Variants in REPS2 observed in about 807,000 individuals in gnomAD.
REPS2 encodes RALBP1 associated Eps domain containing 2.
REPS2 carries 23 observed loss-of-function variants against 53.6 expected under a neutral mutation model. That is an observed-to-expected ratio of 0.43 (90% CI 0.31 to 0.61). The LOEUF is 0.61. REPS2 is among the 20% of genes least tolerant of loss of function. REPS2 has a pLI of 0.11. For synonymous variants in REPS2, 238 were observed against 218.6 expected, an observed-to-expected ratio of 1.09 and a Z score of -0.78; for missense variants, 446 against 534.9, an observed-to-expected ratio of 0.83 and a Z score of 1.64.
chrX:16,979,444 G>A (rs763004529), intron 1 of REPS2, among the ~76,000 whole-genome samples: 145 of 111,640 alleles, frequency 1.3e-3, no homozygotes, highest in Non-Finnish European at 2.3e-3. Context: ...TGTAGGCGGA[G>A]GATAAATTTT....
intron 5 of REPS2, among the ~76,000 whole-genome samples, chrX:17,042,821 G>A (rs1318422552): frequency 9.0e-6 from 1 of 110,684 alleles, no homozygotes; most frequent in African/African-American, 3.3e-5. Context: ...TTTGAGACAG[G>A]GTCTTGCTCT....
intron 14 of REPS2, among the ~76,000 whole-genome samples, chrX:17,110,696 C>A (rs760958851): frequency 1.1e-5 from 1 of 94,570 alleles, no homozygotes; most frequent in East Asian, 3.1e-4. Flanking sequence ...CTGTCTCAAA[C>A]AAACAAACAA....
chrX:17,099,683 A>G (rs760829774), intron 13 of REPS2: 5 of 441,868 alleles, frequency 1.1e-5, no homozygotes, highest in Non-Finnish European at 2.0e-5. Context: ...GCATCTTCTC[A>G]AGCTACCTCT....
chrX:17,053,665 G>A (rs2062031315), intron 7 of REPS2, among the ~76,000 whole-genome samples: 1 of 112,061 alleles, frequency 8.9e-6, no homozygotes, highest in African/African-American at 3.2e-5. Flanking sequence ...TTCTGGCTAG[G>A]GAAGAATAAA....
intron 13 of REPS2, among the ~76,000 whole-genome samples, chrX:17,079,035 AT>A (rs780540411): frequency 8.9e-5 from 10 of 112,176 alleles, no homozygotes; most frequent in Non-Finnish European, 1.7e-4. Flanking sequence ...GGCTTTGGAT[AT>A]TTTTGGATTT....
chrX:17,050,197 T>TTCTTTCTTTC (rs1555926865), intron 6 of REPS2, among the ~76,000 whole-genome samples: 1 of 46,173 alleles, frequency 2.2e-5, no homozygotes, highest in African/African-American at 1.3e-4. Context: ...TTTCTTTCTT[T>TTCTTTCTTTC]TTTTTTTTTT....
At chrX:16,970,053 TAATA>T (rs1232926688) in intron 1 of REPS2, among the ~76,000 whole-genome samples, 1 of 112,453 alleles carries the variant, frequency 8.9e-6, no homozygotes, top group East Asian at 2.8e-4. Flanking sequence ...TATTTTAATT[TAATA>T]AATCTTGCAT....
chrX:17,096,964 CA>C (rs1433356031), intron 13 of REPS2, among the ~76,000 whole-genome samples: 5 of 111,306 alleles, frequency 4.5e-5, no homozygotes, highest in African/African-American at 1.6e-4. Flanking sequence ...GAGAATTGAC[CA>C]AAATTAATGG....
Position 17,074,116 on chromosome X carries a change from A to G in REPS2, c.1336A>G (p.Thr446Ala). 2 of 1,208,930 alleles carry G rather than the reference A, an allele frequency of 1.7e-6. No individual in the cohort carries two copies. Among genetic ancestry groups the G allele is most frequent in the Non-Finnish European group, 2.2e-6 (2 of 894,080 alleles). The change falls in exon 12 of 18, where the codon ACT becomes GCT. Residue 446 changes from threonine to alanine, a missense_variant and splice_region_variant. Transcript: ENST00000357277. ...LPKDVSEDPATPKDSNSLKAR... is the reference protein window; with the variant it reads ...LPKDVSEDPAAPKDSNSLKAR... The stretch of plus-strand genomic sequence containing the variant: ...CCCAAGCAATATCTTTGTTTCAGCA[A>G]CTCCCAAGGATTCCAACAGTCTCAA...
the REPS2 span, among the ~76,000 whole-genome samples, chrX:17,184,259 A>T: frequency 2.1e-5 from 2 of 97,469 alleles, no homozygotes; most frequent in East Asian, 6.7e-4. Flanking sequence ...ATTCCCACCT[A>T]TGAGTGAGAA....
intron 11 of REPS2, among the ~76,000 whole-genome samples, chrX:17,072,666 A>G (rs1008996192): frequency 2.0e-4 from 22 of 112,347 alleles, no homozygotes; most frequent in Non-Finnish European, 3.8e-4. Context: ...GTGGGGCCTG[A>G]GGGAGAAGAG....
At chrX:16,955,816 A>T (rs1281931163) in intron 1 of REPS2, among the ~76,000 whole-genome samples, 2 of 111,767 alleles carry the variant, frequency 1.8e-5, no homozygotes, top group African/African-American at 6.5e-5. Context: ...TTTGCGGGGG[A>T]CACCTTAGGA....
chrX:17,191,153 T>C, the REPS2 span, among the ~76,000 whole-genome samples: 4 of 111,861 alleles, frequency 3.6e-5, no homozygotes, highest in Non-Finnish European at 7.5e-5. Flanking sequence ...CAAAAGACAT[T>C]GTTAAGAGAA....
chrX:17,147,210 T>A (rs2063524727), intron 17 of REPS2, among the ~76,000 whole-genome samples: 1 of 111,382 alleles, frequency 9.0e-6, no homozygotes, highest in African/African-American at 3.3e-5. Context: ...AGAAAGGAGT[T>A]GAGAGATTAC....
chrX:17,029,373 A>G (rs761606429), intron 4 of REPS2, among the ~76,000 whole-genome samples, 153 bp from the exon 5 acceptor site: 2 of 112,678 alleles, frequency 1.8e-5, no homozygotes, highest in African/African-American at 6.4e-5. Flanking sequence ...TGTGCCAAAG[A>G]GAATCAGGGG....
In REPS2 at chrX:17,082,420, T is replaced by C. The variant is rs184670399; in HGVS notation, c.1516+5013T>C. 1.1e-4 allele frequency among the ~76,000 whole-genome samples: 12 copies of C among 112,534 alleles called. No individual in the cohort carries two copies. In the East Asian group the frequency reaches 3.3e-3, roughly 31 times the overall value. On this transcript the variant is annotated intron_variant, in intron 13 of 17. Transcript: ENST00000357277. The stretch of plus-strand genomic sequence containing the variant: ...TACTGCAAAAAAGGAGAAGGGGATG[T>C]TGATGGTCAGTTGTTTTTTTTTAAA...
chrX:17,105,524 G>A (rs2062863094), intron 14 of REPS2, among the ~76,000 whole-genome samples: 1 of 112,184 alleles, frequency 8.9e-6, no homozygotes, highest in Admixed American at 9.5e-5. Context: ...CTTCTTGCCT[G>A]CTTTTGGAGC....
chrX:17,050,190 CTTTCTTTTT>C (rs2061974196), intron 6 of REPS2, among the ~76,000 whole-genome samples: 1 of 48,718 alleles, frequency 2.1e-5, no homozygotes, highest in African/African-American at 8.3e-5. Flanking sequence ...TTCTTTCTTT[CTTTCTTTTT>C]TTTTTTTTTT....
intron 1 of REPS2, among the ~76,000 whole-genome samples, chrX:16,955,311 C>T (rs186419217): frequency 9.0e-6 from 1 of 111,618 alleles, no homozygotes; most frequent in East Asian, 2.8e-4. Context: ...AGTCTTCAGA[C>T]AGTCCTAGGC....
Sources: gnomAD v4.1 joint callset for allele counts (sites outside exome capture counted in the v4.1 genomes callset) on GRCh38, gnomAD v4.1.1 for gene constraint, MANE v1.5 for transcripts, NCBI Gene and HGNC (gene_info 2026-07-23, HGNC 2026-07-21) for gene names.